Variants in UBASH3A observed in about 807,000 individuals in gnomAD.
UBASH3A encodes the protein ubiquitin associated and SH3 domain containing A.
Under a neutral mutation model 73.5 loss-of-function variants are expected in UBASH3A, and 63 were observed. That is an observed-to-expected ratio of 0.86 (90% CI 0.70 to 1.06). The LOEUF (loss-of-function observed/expected upper bound fraction) is 1.06. UBASH3A is among the 50% of genes least tolerant of loss of function. The pLI is 0.00. For missense variants in UBASH3A, 860 were observed against 859.0 expected, an observed-to-expected ratio of 1.00 and a Z score of -0.02; for synonymous variants, 363 against 351.1, an observed-to-expected ratio of 1.03 and a Z score of -0.38.
At chr21:42,445,183 C>T (rs112764046) in intron 14 of UBASH3A, among the ~76,000 whole-genome samples, 8,257 of 152,316 alleles carry the variant, frequency 0.054, 326 homozygotes, top group Middle Eastern at 0.13. Context: ...CCTTGATTAT[C>T]ACTCAGCAAA....
chr21:42,405,919 T>G (rs2052960117), intron 1 of UBASH3A, among the ~76,000 whole-genome samples: 1 of 118,218 alleles, frequency 8.5e-6, no homozygotes. Flanking sequence ...GATGCTGGGG[T>G]GAGGAAAGCG....
intron 14 of UBASH3A, 92 bp downstream of exon 14, chr21:42,444,735 G>T: frequency 9.0e-7 from 1 of 1,116,768 alleles, no homozygotes; most frequent in Non-Finnish European, 1.4e-6. Flanking sequence ...GAAAACAAGT[G>T]TCCGGCTGAC....
chr21:42,409,395 G>A (rs746445721), intron 2 of UBASH3A, 27 bp from the exon 3 acceptor site: 1 of 1,521,290 alleles, frequency 6.6e-7, no homozygotes, highest in Non-Finnish European at 8.8e-7. Flanking sequence ...GTGACAGTGG[G>A]TGATGCCGGC....
rs1413682061 is a variant in UBASH3A at position 42,447,230 on chromosome 21, G to A, written c.*36G>A. ...GATGTTGTCATAACCTCAGAGTGGA[G>A]AGGCAGAAACCATGTGCAGAGGCTG... On this transcript the variant is annotated 3_prime_UTR_variant, in exon 15 of 15. Coordinates refer to ENST00000319294, the MANE Select transcript of UBASH3A (RefSeq NM_018961.4). The A allele has an allele frequency of 6.2e-7, 1 of 1,605,252 alleles. No homozygotes were observed. The highest frequency in any genetic ancestry group is 1.7e-5 in the Admixed American group (1 of 58,578).
intron 8 of UBASH3A, among the ~76,000 whole-genome samples, chr21:42,431,540 A>G (rs2053531108): frequency 6.6e-6 from 1 of 152,264 alleles, no homozygotes; most frequent in Non-Finnish European, 1.5e-5. Context: ...AGCCAAACAG[A>G]GAATGACCAG....
intron 11 of UBASH3A, among the ~76,000 whole-genome samples, chr21:42,437,950 T>C (rs367625817): frequency 6.6e-6 from 1 of 152,196 alleles, no homozygotes; most frequent in Non-Finnish European, 1.5e-5. Context: ...TGCATGACCC[T>C]TCCCAGGGCA....
intron 8 of UBASH3A, among the ~76,000 whole-genome samples, 166 bp downstream of exon 8, chr21:42,426,986 G>A (rs575660666): frequency 1.3e-5 from 2 of 151,352 alleles, no homozygotes; most frequent in East Asian, 3.9e-4. Context: ...TGAGGGTGCC[G>A]GGGGTCCTGC....
intron 5 of UBASH3A, among the ~76,000 whole-genome samples, chr21:42,416,037 T>C (rs1013265276): frequency 6.6e-5 from 10 of 152,188 alleles, no homozygotes; most frequent in African/African-American, 9.7e-5. Context: ...GTGTGTTTTA[T>C]AGTTTTGTTG....
chr21:42,436,863 G>T (rs1025587985), intron 10 of UBASH3A, among the ~76,000 whole-genome samples: 1 of 152,196 alleles, frequency 6.6e-6, no homozygotes, highest in Admixed American at 6.5e-5. Flanking sequence ...GTGAAGCCCC[G>T]CCCATTTCTG....
At chr21:42,436,194 T>G (rs2053626070) in intron 10 of UBASH3A, among the ~76,000 whole-genome samples, 2 of 152,046 alleles carry the variant, frequency 1.3e-5, no homozygotes, top group Non-Finnish European at 2.9e-5. Context: ...GTTATAGAGT[T>G]ATAGAGCTAT....
intron 2 of UBASH3A, among the ~76,000 whole-genome samples, chr21:42,408,179 T>C (rs535849673): frequency 6.6e-6 from 1 of 152,358 alleles, no homozygotes; most frequent in African/African-American, 2.4e-5. Context: ...GTGATTTTTA[T>C]TGAAGAGAAT....
chr21:42,411,550 C>T (rs553105716), intron 3 of UBASH3A, among the ~76,000 whole-genome samples: 12 of 151,904 alleles, frequency 7.9e-5, no homozygotes, highest in African/African-American at 2.2e-4. Context: ...CATAGACATA[C>T]GCATATGCAG....
intron 6 of UBASH3A, chr21:42,417,622 A>C (rs1442555983): frequency 6.6e-6 from 1 of 152,096 alleles, no homozygotes; most frequent in Non-Finnish European, 1.5e-5. Context: ...ATTTGAGTGA[A>C]ACCTCATTCT....
chr21:42,407,700 G>T (rs1307978335), intron 2 of UBASH3A, among the ~76,000 whole-genome samples: 3 of 152,240 alleles, frequency 2.0e-5, no homozygotes, highest in Non-Finnish European at 4.4e-5. Context: ...GCAGTGCTGG[G>T]TATCTGCCAA....
Position 42,405,255 on chromosome 21 carries a change from C to T in UBASH3A, c.114-1053C>T, listed in dbSNP as rs117624896. Among the ~76,000 whole-genome samples, 729 of 152,226 alleles carry T rather than the reference C, an allele frequency of 4.8e-3. 2 individuals carry two copies. The highest frequency in any genetic ancestry group is 8.6e-3 in the Non-Finnish European group (588 of 68,016). On this transcript the variant is annotated intron_variant, in intron 1 of 14. Transcript: ENST00000319294. ...CATGTGCAGGGCGGCCACCGGGCAC[C>T]GTCCAGGCATTACAGACAAGGCAGC...
At chr21:42,406,092 C>T (rs1282212553) in intron 1 of UBASH3A, among the ~76,000 whole-genome samples, 1 of 151,224 alleles carries the variant, frequency 6.6e-6, no homozygotes, top group Non-Finnish European at 1.5e-5. Flanking sequence ...CAGGGAAGGA[C>T]AGTGAGGGGG....
At chr21:42,436,601 A>G (rs1205157739) in intron 10 of UBASH3A, among the ~76,000 whole-genome samples, 1 of 152,152 alleles carries the variant, frequency 6.6e-6, no homozygotes, top group African/African-American at 2.4e-5. Flanking sequence ...CTGTTTCCAA[A>G]TGAGTCACAT....
rs374164890 is a variant in UBASH3A, at chr21:42,416,506, C to T, written c.732C>T (p.His244=). 6.2e-7 allele frequency: 1 copy of T among 1,611,568 alleles called. No homozygotes were observed. The highest frequency in any genetic ancestry group is 8.5e-7 in the Non-Finnish European group (1 of 1,179,080). The change falls in exon 6 of 15, where the codon CAC becomes CAT. Residue 244 remains histidine (H), a synonymous_variant. Transcript: ENST00000319294. ...HLTLAHKFYP[H]HQRTLEQLAR... is the part of the protein sequence containing the mutation. ...CCTTGGCCCACAAGTTCTACCCCCA[C>T]CACCAGAGGACGCTGGAGCAGCTGG... is the stretch of plus-strand genomic sequence containing the variant.
intron 6 of UBASH3A, among the ~76,000 whole-genome samples, 178 bp from the exon 7 acceptor site, chr21:42,418,223 C>A (rs1006285179): frequency 1.3e-5 from 2 of 152,186 alleles, no homozygotes; most frequent in Admixed American, 1.3e-4. Flanking sequence ...TTCTATGCTG[C>A]GTTTCATTAC....
Sources: allele counts gnomAD v4.1 joint callset (sites outside exome capture counted in the v4.1 genomes callset), GRCh38; gene constraint gnomAD v4.1.1; transcripts MANE v1.5; gene names NCBI Gene and HGNC (gene_info 2026-07-23, HGNC 2026-07-21).